Variants in ARL2 observed in about 807,000 individuals in gnomAD.
ARL2 encodes the protein ADP-ribosylation factor-like protein 2.
ARL2 carries 11 observed loss-of-function variants against 22.0 expected under a neutral mutation model. The observed-to-expected ratio is 0.50, with a 90% CI of 0.31 to 0.83. The LOEUF is 0.83. Among genes scored for constraint, ARL2 ranks in the 40% least tolerant of loss-of-function variants. ARL2 has a pLI of 0.04. For missense variants in ARL2, 216 were observed against 243.2 expected, an observed-to-expected ratio of 0.89 and a Z score of 0.74; for synonymous variants, 111 against 100.8, an observed-to-expected ratio of 1.10 and a Z score of -0.61.
Position 65,018,656 on chromosome 11 carries a change from A to C in ARL2, c.262A>C (p.Ile88Leu), listed in dbSNP as rs955159677. 1 of 1,614,218 alleles carries C rather than the reference A, an allele frequency of 6.2e-7. No individual in the cohort carries two copies. The highest frequency in any genetic ancestry group is 8.5e-7 in the Non-Finnish European group (1 of 1,180,040). The change falls in exon 3 of 5, where the codon ATC (isoleucine) becomes CTC (leucine). Residue 88 changes from isoleucine to leucine, a missense_variant. Ile to Leu is a conservative substitution (Grantham distance 5). Coordinates refer to ENST00000246747, the MANE Select transcript of ARL2 (RefSeq NM_001667.4). The surrounding 1 kb of genome is among the most constrained non-coding windows in gnomAD (Gnocchi z 4.2). ...RNYFESTDGL[I>L]WVVDSADRQR... ...CTACTTTGAGAGCACCGATGGCCTC[A>C]TCTGGGTAGTGGACAGCGCAGACCG...
intron 1 of ARL2, among the ~76,000 whole-genome samples, chr11:65,016,317 T>G: frequency 6.7e-6 from 1 of 149,642 alleles, no homozygotes; most frequent in South Asian, 2.1e-4. Context: ...TCAGAGGCCC[T>G]GGGAGGACTA....
chr11:65,019,557 G>C (rs1946303383), intron 3 of ARL2: 1 of 152,640 alleles, frequency 6.6e-6, no homozygotes, highest in South Asian at 2.1e-4. Flanking sequence ...AAAAAAAGAA[G>C]GACACTTGCA....
intron 1 of ARL2, among the ~76,000 whole-genome samples, chr11:65,017,980 C>T (rs147754670): frequency 2.6e-5 from 4 of 152,370 alleles, no homozygotes; most frequent in Middle Eastern, 3.4e-3. Context: ...AAAGAGCCTC[C>T]TCCGATGGCC....
intron 1 of ARL2, among the ~76,000 whole-genome samples, chr11:65,017,042 A>G (rs1480495021): frequency 4.6e-5 from 7 of 152,198 alleles, no homozygotes; most frequent in Non-Finnish European, 1.0e-4. Context: ...AGTTTTGGCC[A>G]CAGCAGCAGC....
intron 3 of ARL2, 140 bp from the exon 4 acceptor site, chr11:65,020,279 T>A (rs1311073501): frequency 1.4e-6 from 1 of 734,490 alleles, no homozygotes; most frequent in Non-Finnish European, 2.4e-6. Context: ...ACAAACTCAC[T>A]CCTGGGCCTC....
chr11:65,018,545 C>A lies in ARL2; in HGVS notation c.177-26C>A. 1 of 1,602,508 alleles carries A rather than the reference C, an allele frequency of 6.2e-7. No individual in the cohort carries two copies. Among genetic ancestry groups the A allele is most frequent in the East Asian group, 2.3e-5 (1 of 44,416 alleles). ...AAGGTGGGAGAGGGGCCCAGCTGAC[C>A]CTCCTGTCACCCGCTCCTTGCCCAG... On this transcript the variant is annotated intron_variant, in intron 2 of 4. Coordinates refer to ENST00000246747, the MANE Select transcript of ARL2 (RefSeq NM_001667.4). The surrounding 1 kb of genome is among the most constrained non-coding windows in gnomAD (Gnocchi z 4.2).
chr11:65,014,606 T>C (rs960970709), intron 1 of ARL2, among the ~76,000 whole-genome samples: 21 of 152,328 alleles, frequency 1.4e-4, no homozygotes, highest in African/African-American at 4.1e-4. Flanking sequence ...CTCCCGGCTC[T>C]GATCTCCTCC....
At chr11:65,017,506 T>TGGGA (rs1265121343) in intron 1 of ARL2, among the ~76,000 whole-genome samples, 1 of 151,896 alleles carries the variant, frequency 6.6e-6, no homozygotes, top group East Asian at 1.9e-4. Context: ...TATTTGCTCT[T>TGGGA]TTTAAGGTGG....
At position 65,018,513 on chromosome 11, in the gene ARL2, G is replaced by A. The variant is rs764092292; in HGVS notation, c.176+39G>A. 1 of 1,602,434 alleles carries A rather than the reference G, an allele frequency of 6.2e-7. No homozygotes were observed. The highest frequency in any genetic ancestry group is 8.5e-7 in the Non-Finnish European group (1 of 1,174,496). On this transcript the variant is annotated intron_variant, in intron 2 of 4. Transcript: ENST00000246747. The surrounding 1 kb of genome is among the most constrained non-coding windows in gnomAD (Gnocchi z 4.2). ...CCATGGGAGGGCCAGCCCAGAGCAG[G>A]GCAGGGAAGGTGGGAGAGGGGCCCA...
chr11:65,020,346 C>A, intron 3 of ARL2, 73 bp from the exon 4 acceptor site: 1 of 1,261,422 alleles, frequency 7.9e-7, no homozygotes, highest in Non-Finnish European at 1.1e-6. Flanking sequence ...ACCCCAGATG[C>A]TCTGGGCCAT....
In ARL2 at chr11:65,018,894, T is replaced by C; in HGVS notation, c.339+161T>C. On this transcript the variant is annotated intron_variant, in intron 3 of 4. Coordinates refer to ENST00000246747, the MANE Select transcript of ARL2 (RefSeq NM_001667.4). This position sits in a 1 kb window ranked among gnomAD's most constrained non-coding sequence, Gnocchi z 4.2. ...CCCATGGTGCCAGAGGCAGGACACA[T>C]GCTGTGGACTGAGATTGAGTTAACG... 1 of 1,534,648 alleles carries C rather than the reference T, an allele frequency of 6.5e-7. No individual in the cohort carries two copies. Among genetic ancestry groups the C allele is most frequent in the South Asian group, 1.2e-5 (1 of 83,314 alleles).
At chr11:65,015,792 A>G (rs1946244978) in intron 1 of ARL2, among the ~76,000 whole-genome samples, 1 of 152,050 alleles carries the variant, frequency 6.6e-6, no homozygotes, top group South Asian at 2.1e-4. Context: ...CATACTATAT[A>G]TATATGGGCC....
intron 1 of ARL2, among the ~76,000 whole-genome samples, chr11:65,017,000 G>A (rs1264149978): frequency 6.6e-6 from 1 of 152,136 alleles, no homozygotes; most frequent in Non-Finnish European, 1.5e-5. Flanking sequence ...AGGGCCACAG[G>A]GAGGTCTTTG....
In ARL2 at chr11:65,018,365, G is replaced by A. The variant is rs1264764934; in HGVS notation, c.67G>A (p.Gly23Ser). 1 of 1,599,578 alleles carries A rather than the reference G, an allele frequency of 6.3e-7. No individual in the cohort carries two copies. The highest frequency in any genetic ancestry group is 1.3e-5 in the African/African-American group (1 of 74,946). ...KERELRLLML[G>S]LDNAGKTTIL... is the part of the protein sequence containing the mutation. ...TCTCCTTAACCTGCTGCGCCCCAGTGGCCTGGACAATGCTGGAAAGACAAC... is the reference window on the plus strand; with the variant it reads ...TCTCCTTAACCTGCTGCGCCCCAGTAGCCTGGACAATGCTGGAAAGACAAC... The change falls in exon 2 of 5, where the codon GGC becomes AGC. Residue 23 changes from glycine (G) to serine (S), a missense_variant and splice_region_variant. Transcript: ENST00000246747. This position sits in a 1 kb window ranked among gnomAD's most constrained non-coding sequence, Gnocchi z 4.2.
At chr11:65,015,766 A>G (rs979296295) in intron 1 of ARL2, among the ~76,000 whole-genome samples, 9 of 152,036 alleles carry the variant, frequency 5.9e-5, no homozygotes, top group African/African-American at 1.9e-4. Flanking sequence ...ATTTATACAT[A>G]TATATATTCT....
In ARL2 at chr11:65,018,980, T is replaced by G. The variant is rs1223201525; in HGVS notation, c.339+247T>G. The G allele has an allele frequency of 1.4e-6, 2 of 1,462,042 alleles. No homozygotes were observed. Among genetic ancestry groups the G allele is most frequent in the Non-Finnish European group, 1.8e-6 (2 of 1,096,594 alleles). 90.6% of individuals were successfully genotyped at this position (1,462,042 alleles called of 1,614,324 possible). A position where few individuals can be genotyped will look rare whatever the true frequency, so the allele number is the denominator to read the frequency against. ...CAGTTTCTATGCCTTGAAATGGTGA[T>G]GATGACACCCACATCACTGGGCTTT... On this transcript the variant is annotated intron_variant, in intron 3 of 4. Transcript: ENST00000246747. This position sits in a 1 kb window ranked among gnomAD's most constrained non-coding sequence, Gnocchi z 4.2.
In ARL2 at chr11:65,018,644, A is replaced by G. The variant is rs1431237485; in HGVS notation, c.250A>G (p.Thr84Ala). 6.2e-7 allele frequency: 1 copy of G among 1,614,008 alleles called. No individual in the cohort carries two copies. Among genetic ancestry groups the G allele is most frequent in the African/African-American group, 1.3e-5 (1 of 74,948 alleles). ...RSYWRNYFES[T>A]DGLIWVVDSA... is the part of the protein sequence containing the mutation. ...CTACTGGCGGAACTACTTTGAGAGC[A>G]CCGATGGCCTCATCTGGGTAGTGGA... The change falls in exon 3 of 5, where the codon ACC becomes GCC. Residue 84 changes from threonine to alanine, a missense_variant. Coordinates refer to ENST00000246747, the MANE Select transcript of ARL2 (RefSeq NM_001667.4). The surrounding 1 kb of genome is among the most constrained non-coding windows in gnomAD (Gnocchi z 4.2).
rs1412314764 is a variant in ARL2, at chr11:65,021,655, A to AAGGGGCTGACGGCAGGC, written c.421-61_421-45dup. The AAGGGGCTGACGGCAGGC allele has an allele frequency of 4.6e-6, 7 of 1,513,696 alleles. No homozygotes were observed. The African/African-American group carries it at 9.6e-5, about 21-fold the overall frequency. 93.8% of individuals were successfully genotyped at this position (1,513,696 alleles called of 1,614,324 possible). A position where few individuals can be genotyped will look rare whatever the true frequency, so the allele number is the denominator to read the frequency against. ...TGGAGTTCCTCTGGGCTGGGGAGGGAAGGGGCTGACGGCAGGCAGGGTCTG... is the reference window on the plus strand; with the variant it reads ...TGGAGTTCCTCTGGGCTGGGGAGGGAAGGGGCTGACGGCAGGCAGGGGCTGACGGCAGGCAGGGTCTG... On this transcript the variant is annotated intron_variant, in intron 4 of 4. Coordinates refer to ENST00000246747, the MANE Select transcript of ARL2 (RefSeq NM_001667.4).
chr11:65,017,692 G>A (rs909632952), intron 1 of ARL2, among the ~76,000 whole-genome samples: 16 of 152,064 alleles, frequency 1.1e-4, no homozygotes, highest in African/African-American at 2.7e-4. Context: ...CCCCAGCTCC[G>A]ATGAGCAGGG....
Sources: gnomAD v4.1 joint callset for allele counts (sites outside exome capture counted in the v4.1 genomes callset) on GRCh38, gnomAD v4.1.1 for gene constraint, Gnocchi (gnomAD v3.1) non-coding constraint, MANE v1.5 for transcripts, NCBI Gene and HGNC (gene_info 2026-07-23, HGNC 2026-07-21) for gene names.